UGT1A3: variants seen among roughly 807,000 people sequenced by gnomAD.
UGT1A3 encodes the protein UDP glucuronosyltransferase family 1 member A3.
UGT1A3 carries 31 observed loss-of-function variants against 41.0 expected under a neutral mutation model. The ratio of observed to expected loss-of-function variants is 0.76; its 90% confidence interval spans 0.57 to 1.02. The LOEUF is 1.02. UGT1A3 is among the 50% of genes least tolerant of loss of function. UGT1A3 has a pLI of 0.00. For missense variants in UGT1A3, 737 were observed against 671.0 expected (o/e 1.10, Z -1.09); for synonymous variants, 262 against 257.6 (o/e 1.02, Z -0.17).
intron 1 of UGT1A3, chr2:233,760,361 C>T: frequency 6.2e-7 from 1 of 1,614,110 alleles, no homozygotes; most frequent in Non-Finnish European, 8.5e-7. Flanking sequence ...CCAGTGGTGT[C>T]CCATGCTGGG....
At chr2:233,748,043 G>C (rs1693846723) in intron 1 of UGT1A3, 13 of 1,613,298 alleles carry the variant, frequency 8.1e-6, no homozygotes, top group Non-Finnish European at 1.1e-5. Flanking sequence ...TCTTCATTGG[G>C]GGCATCAACT....
At chr2:233,735,562 T>C (rs1021326585) in intron 1 of UGT1A3, among the ~76,000 whole-genome samples, 3 of 152,204 alleles carry the variant, frequency 2.0e-5, no homozygotes, top group Non-Finnish European at 4.4e-5. Context: ...TATGGTGTTA[T>C]CGGGTTATTT....
chr2:233,738,005 T>G (rs1333736742), intron 1 of UGT1A3, among the ~76,000 whole-genome samples: 1 of 152,062 alleles, frequency 6.6e-6, no homozygotes, highest in Non-Finnish European at 1.5e-5. Flanking sequence ...CCACCAAATC[T>G]CATCTTGAAT....
Position 233,773,149 on chromosome 2 carries a change from G to A in UGT1A3, c.*590G>A, listed in dbSNP as rs1700568248. On this transcript the variant is annotated 3_prime_UTR_variant, in exon 5 of 5. Coordinates refer to ENST00000482026, the MANE Select transcript of UGT1A3 (RefSeq NM_019093.4). ...AAGAATGATGCTATGAAATTGGTGG[G>A]TGGTGTATTTGAGAAGATAATCATT... 1 of 154,230 alleles carries A rather than the reference G, an allele frequency of 6.5e-6. No individual in the cohort carries two copies. The highest frequency in any genetic ancestry group is 6.4e-5 in the Admixed American group (1 of 15,708). The allele number at this position is 154,230 out of a possible 1,614,324, so 9.6% of individuals were successfully genotyped here.
intron 1 of UGT1A3, among the ~76,000 whole-genome samples, chr2:233,736,737 CCTTT>C (rs2125803115): frequency 6.6e-6 from 1 of 152,240 alleles, no homozygotes; most frequent in Non-Finnish European, 1.5e-5. Flanking sequence ...TTATGCTGTT[CCTTT>C]CTGTTTGTTA....
At chr2:233,746,687 C>T (rs192486679) in intron 1 of UGT1A3, among the ~76,000 whole-genome samples, 86 of 151,912 alleles carry the variant, frequency 5.7e-4, no homozygotes, top group Non-Finnish European at 1.1e-3. Context: ...AGGGCTCACA[C>T]ATTCCATAAA....
intron 1 of UGT1A3, among the ~76,000 whole-genome samples, chr2:233,758,187 G>A (rs1223519403): frequency 6.6e-6 from 1 of 152,214 alleles, no homozygotes; most frequent in African/African-American, 2.4e-5. Context: ...ATATTAATTG[G>A]ATTGCTTAGT....
chr2:233,747,661 T>C lies in UGT1A3; in HGVS notation c.867+17668T>C, dbSNP rs1219859537. ...AATGCTACTTCCTTCGATGTGGTTT[T>C]AATAGACCCAATTTACCTCTGTGGG... On this transcript the variant is annotated intron_variant, in intron 1 of 4. Coordinates refer to ENST00000482026, the MANE Select transcript of UGT1A3 (RefSeq NM_019093.4). 26 of 1,599,782 alleles carry C rather than the reference T, an allele frequency of 1.6e-5. No individual in the cohort carries two copies. The East Asian group carries it at 5.8e-4, about 36-fold the overall frequency.
intron 1 of UGT1A3, chr2:233,760,411 A>G (rs1575771994): frequency 6.2e-7 from 1 of 1,614,192 alleles, no homozygotes; most frequent in Non-Finnish European, 8.5e-7. Context: ...CCACTGGCTG[A>G]GCATGCTTGG....
At chr2:233,730,965 G>A (rs1412935935) in intron 1 of UGT1A3, among the ~76,000 whole-genome samples, 2 of 152,130 alleles carry the variant, frequency 1.3e-5, no homozygotes, top group African/African-American at 2.4e-5. Flanking sequence ...ATGGTACTCT[G>A]GGACCTGAAT....
At chr2:233,735,055 G>A (rs1012259706) in intron 1 of UGT1A3, among the ~76,000 whole-genome samples, 1 of 152,132 alleles carries the variant, frequency 6.6e-6, no homozygotes, top group Non-Finnish European at 1.5e-5. Context: ...CTGAGTTCAG[G>A]TCCTGGATAT....
chr2:233,736,583 G>C (rs1481937914), intron 1 of UGT1A3, among the ~76,000 whole-genome samples: 3 of 152,232 alleles, frequency 2.0e-5, no homozygotes, highest in Non-Finnish European at 4.4e-5. Context: ...CTTTGGAGGA[G>C]ATGTGCTTAT....
intron 1 of UGT1A3, among the ~76,000 whole-genome samples, chr2:233,759,703 C>T (rs1054711590): frequency 1.3e-5 from 2 of 150,732 alleles, no homozygotes; most frequent in African/African-American, 4.9e-5. Context: ...CCTCATGGCG[C>T]GTGCTCGTGT....
chr2:233,754,057 T>C (rs1403033410), intron 1 of UGT1A3, among the ~76,000 whole-genome samples: 1 of 152,246 alleles, frequency 6.6e-6, no homozygotes, highest in Admixed American at 6.5e-5. Flanking sequence ...TTACCTGCTT[T>C]TATAAAGCCT....
In UGT1A3 at chr2:233,767,937, G is replaced by T. The variant is rs587784535; in HGVS notation, c.1087+1G>T. Reference sequence around the variant, plus strand: ...TGGCTACCCCAAAACGATCTGCTTGGTATGTTGGGCGGATTGGATGTATAG... The same window carrying T: ...TGGCTACCCCAAAACGATCTGCTTGTTATGTTGGGCGGATTGGATGTATAG... On this transcript the variant is annotated splice_donor_variant, in intron 3 of 4. Coordinates refer to ENST00000482026, the MANE Select transcript of UGT1A3 (RefSeq NM_019093.4). LOFTEE classifies it high-confidence loss of function. 5 of 1,614,210 alleles carry T rather than the reference G, an allele frequency of 3.1e-6. No individual in the cohort carries two copies. The highest frequency in any genetic ancestry group is 4.2e-6 in the Non-Finnish European group (5 of 1,180,052).
intron 1 of UGT1A3, chr2:233,752,620 G>A (rs1390592836): frequency 7.2e-5 from 11 of 152,184 alleles, no homozygotes; most frequent in Non-Finnish European, 2.9e-5. Flanking sequence ...TTAGCTAGGT[G>A]TGGTAGCTGT....
In UGT1A3 at chr2:233,734,566, T is replaced by C. The variant is rs182305779; in HGVS notation, c.867+4573T>C. Among the ~76,000 whole-genome samples, 74 of 152,314 alleles carry C rather than the reference T, an allele frequency of 4.9e-4. No individual in the cohort carries two copies. The East Asian group carries it at 0.013, about 27-fold the overall frequency. ...CTTCCCTTCTGCTAGCTTTTGAATT[T>C]GTTTGCTCTTGCTTATCTAGTTCTT... On this transcript the variant is annotated intron_variant, in intron 1 of 4. Coordinates refer to ENST00000482026, the MANE Select transcript of UGT1A3 (RefSeq NM_019093.4).
intron 1 of UGT1A3, among the ~76,000 whole-genome samples, chr2:233,739,223 T>C (rs1465216859): frequency 3.3e-5 from 5 of 152,316 alleles, no homozygotes; most frequent in African/African-American, 4.8e-5. Context: ...AGAGTCCTTA[T>C]AGAGAACCTC....
In UGT1A3 at chr2:233,729,450, G is replaced by C. The variant is rs1394250627; in HGVS notation, c.324G>C (p.Lys108Asn). ...QLYFETEHFL[K>N]KFFRSMAMLN... Reference sequence around the variant, plus strand: ...ACTTTGAAACAGAACATTTTCTGAAGAAATTTTTCAGAAGTATGGCAATGT... The same window carrying C: ...ACTTTGAAACAGAACATTTTCTGAACAAATTTTTCAGAAGTATGGCAATGT... The change falls in exon 1 of 5, where the codon AAG becomes AAC. Residue 108 changes from lysine (K) to asparagine (N), a missense_variant. By Grantham distance (94) the Lys-to-Asn change is moderately conservative. Coordinates refer to ENST00000482026, the MANE Select transcript of UGT1A3 (RefSeq NM_019093.4). 3.1e-6 allele frequency: 5 copies of C among 1,614,082 alleles called. No individual in the cohort carries two copies. Among genetic ancestry groups the C allele is most frequent in the Non-Finnish European group, 3.4e-6 (4 of 1,179,956 alleles).
Sources: gnomAD v4.1 joint callset for allele counts (sites outside exome capture counted in the v4.1 genomes callset) on GRCh38, gnomAD v4.1.1 for gene constraint, MANE v1.5 for transcripts, NCBI Gene and HGNC (gene_info 2026-07-23, HGNC 2026-07-21) for gene names.